The following ASTN1 variants were observed in gnomAD, a reference collection of about 807,000 sequenced individuals.
The protein encoded by ASTN1 is astrotactin-1.
A neutral mutation model predicts 140.7 loss-of-function variants in ASTN1; 41 were observed. That is an observed-to-expected ratio of 0.29 (90% confidence interval 0.23 to 0.38). ASTN1 has a LOEUF of 0.38. ASTN1 is among the 10% of genes least tolerant of loss of function. ASTN1 has a pLI of 1.00. For synonymous variants in ASTN1, 640 were observed against 652.2 expected, an observed-to-expected ratio of 0.98 and a Z score of 0.29; for missense variants, 1,479 against 1,678.8, an observed-to-expected ratio of 0.88 and a Z score of 2.08.
intron 9 of ASTN1, 59 bp from the exon 10 acceptor site, chr1:176,958,541 G>A: frequency 6.6e-7 from 1 of 1,517,392 alleles, no homozygotes; most frequent in Non-Finnish European, 8.8e-7. Context: ...TCACCACTGG[G>A]GGATCTAGCA....
chr1:176,922,555 G>GAAAAAAAAAAAAAAAAA (rs1670776521), intron 16 of ASTN1, among the ~76,000 whole-genome samples: 1 of 39,058 alleles, frequency 2.6e-5, no homozygotes, highest in Admixed American at 2.6e-4. Flanking sequence ...AGCCCCCACT[G>GAAAAAAAAAAAAAAAAA]CAAAAAAAAA....
At chr1:177,029,347 T>A (rs1465502814) in intron 5 of ASTN1, 1 of 624,232 alleles carries the variant, frequency 1.6e-6, no homozygotes. Flanking sequence ...GACTCCTGAG[T>A]CTTCCAGAAG....
chr1:176,966,845 C>A (rs1304378700), intron 8 of ASTN1, among the ~76,000 whole-genome samples: 1 of 151,738 alleles, frequency 6.6e-6, no homozygotes, highest in Non-Finnish European at 1.5e-5. Flanking sequence ...ACAGTTATAT[C>A]ATTATAAATT....
intron 16 of ASTN1, among the ~76,000 whole-genome samples, chr1:176,912,136 G>A (rs1557954138): frequency 6.6e-6 from 1 of 152,306 alleles, no homozygotes; most frequent in East Asian, 1.9e-4. Context: ...TCATTGAGAA[G>A]GAAGCTTTTG....
chr1:177,131,160 G>A (rs983097283), intron 1 of ASTN1, among the ~76,000 whole-genome samples: 7 of 152,040 alleles, frequency 4.6e-5, no homozygotes, highest in Non-Finnish European at 1.0e-4. Context: ...CACTTCTGGT[G>A]GAAATATAAA....
intron 6 of ASTN1, 59 bp downstream of exon 6, chr1:177,024,524 C>G: frequency 6.3e-7 from 1 of 1,590,916 alleles, no homozygotes; most frequent in Non-Finnish European, 8.6e-7. Flanking sequence ...AGCCTTTGCC[C>G]AACCAGAAAA....
chr1:177,146,099 TA>T lies in ASTN1; in HGVS notation c.283+18294del, dbSNP rs967376480. On this transcript the variant is annotated intron_variant, in intron 1 of 22. Transcript: ENST00000361833. ...CGTTAACATAAGCCATATATTTTATTAAAAAAAAACCTATATTTTCCAAAAC... is the reference window on the plus strand; with the variant it reads ...CGTTAACATAAGCCATATATTTTATTAAAAAAAACCTATATTTTCCAAAAC... Among the ~76,000 whole-genome samples, 57 of 151,656 alleles carry T rather than the reference TA, an allele frequency of 3.8e-4. 1 individual carries two copies. The highest frequency in any genetic ancestry group is 1.7e-3 in the South Asian group (8 of 4,778).
intron 8 of ASTN1, among the ~76,000 whole-genome samples, chr1:176,969,950 T>C (rs532179127): frequency 6.6e-6 from 1 of 152,328 alleles, no homozygotes; most frequent in African/African-American, 2.4e-5. Flanking sequence ...TGCAGGAACA[T>C]AGCCTGTGCC....
At chr1:177,028,467 C>G (rs1284199734) in intron 5 of ASTN1, among the ~76,000 whole-genome samples, 1 of 152,172 alleles carries the variant, frequency 6.6e-6, no homozygotes, top group Non-Finnish European at 1.5e-5. Context: ...AATTTATAAT[C>G]AAAAGGGCTT....
intron 1 of ASTN1, among the ~76,000 whole-genome samples, chr1:177,090,779 G>A (rs1474525213): frequency 6.6e-6 from 1 of 152,058 alleles, no homozygotes; most frequent in African/African-American, 2.4e-5. Flanking sequence ...CCTTTCCCAT[G>A]TCTATAAGAA....
At chr1:177,024,460 C>A in intron 6 of ASTN1, 123 bp downstream of exon 6, 1 of 1,239,680 alleles carries the variant, frequency 8.1e-7, no homozygotes, top group South Asian at 1.6e-5. Flanking sequence ...TTACTTATTT[C>A]AGTTTGGTTT....
At chr1:177,017,118 A>T (rs1196803500) in intron 7 of ASTN1, among the ~76,000 whole-genome samples, 1 of 152,234 alleles carries the variant, frequency 6.6e-6, no homozygotes, top group African/African-American at 2.4e-5. Flanking sequence ...TTTCCTAATG[A>T]CAGCAATACC....
intron 8 of ASTN1, among the ~76,000 whole-genome samples, chr1:176,988,341 T>C (rs553648818): frequency 6.6e-6 from 1 of 151,316 alleles, no homozygotes; most frequent in African/African-American, 2.4e-5. Flanking sequence ...AAACCTTTCC[T>C]TTTAGATCCC....
intron 1 of ASTN1, among the ~76,000 whole-genome samples, chr1:177,075,677 C>T (rs552035551): frequency 2.2e-3 from 275 of 126,720 alleles, no homozygotes; most frequent in African/African-American, 8.0e-3. Flanking sequence ...GACAAGGTCT[C>T]GCTCTGTTGC....
chr1:176,911,202 G>A (rs1444893874), intron 16 of ASTN1, among the ~76,000 whole-genome samples: 1 of 152,160 alleles, frequency 6.6e-6, no homozygotes, highest in Non-Finnish European at 1.5e-5. Context: ...GGCACTTACC[G>A]TGATTGGAGC....
intron 7 of ASTN1, among the ~76,000 whole-genome samples, chr1:177,022,229 C>A (rs1482789865): frequency 6.6e-6 from 1 of 152,004 alleles, no homozygotes; most frequent in Non-Finnish European, 1.5e-5. Flanking sequence ...GAAGAAGATG[C>A]GAGTGTGGTG....
At chr1:177,052,257 C>T (rs1677576493) in intron 2 of ASTN1, among the ~76,000 whole-genome samples, 1 of 152,122 alleles carries the variant, frequency 6.6e-6, no homozygotes, top group African/African-American at 2.4e-5. Context: ...AAGCTGGTGG[C>T]CCCTGGGTCA....
At chr1:176,998,021 G>C (rs940106355) in intron 8 of ASTN1, among the ~76,000 whole-genome samples, 1 of 152,142 alleles carries the variant, frequency 6.6e-6, no homozygotes, top group Non-Finnish European at 1.5e-5. Context: ...CAAATGCTGG[G>C]TCTGTCTTGC....
rs566085711 is a variant in ASTN1 at position 176,931,863 on chromosome 1, A to C, written c.2671+2289T>G. On this transcript the variant is annotated intron_variant, in intron 16 of 22. Transcript: ENST00000361833. ...GTTGAATAAGGCAAAGAACCTACTC[A>C]TGAGAATTCTATGACTTTGTAGAGA... Among the ~76,000 whole-genome samples, 6 of 152,338 alleles carry C rather than the reference A, an allele frequency of 3.9e-5. No homozygotes were observed. The East Asian group carries it at 5.8e-4, about 15-fold the overall frequency.
Sources: gnomAD v4.1 joint callset for allele counts (sites outside exome capture counted in the v4.1 genomes callset) on GRCh38, gnomAD v4.1.1 for gene constraint, MANE v1.5 for transcripts, NCBI Gene and HGNC (gene_info 2026-07-23, HGNC 2026-07-21) for gene names.